Variants in PCDHGA10 observed in about 807,000 individuals in gnomAD.
The protein encoded by PCDHGA10 is protocadherin gamma subfamily A, 10, also known as protocadherin gamma-A10.
A neutral mutation model predicts 59.5 loss-of-function variants in PCDHGA10; 42 were observed. The observed-to-expected ratio is 0.71, with a 90% CI of 0.55 to 0.91. The LOEUF (loss-of-function observed/expected upper bound fraction) is 0.91, where lower values mean the gene tolerates loss of function less well. Ranked by LOEUF, PCDHGA10 falls within the 40% of genes least tolerant of loss-of-function variation. The probability of loss-of-function intolerance (pLI) is 0.00; values close to 1 mark genes in which losing one functional copy is unlikely to be tolerated. For synonymous variants in PCDHGA10, 511 were observed against 517.2 expected (o/e 0.99, Z 0.16); for missense variants, 1,111 against 1,198.2 (o/e 0.93, Z 1.07).
chr5:141,500,641 TA>T (rs1306300025), intron 2 of PCDHGA10, among the ~76,000 whole-genome samples: 4 of 152,346 alleles, frequency 2.6e-5, no homozygotes, highest in Middle Eastern at 3.4e-3. Flanking sequence ...ACTAGTTTTT[TA>T]AAAATAGCAA....
At position 141,469,305 on chromosome 5, in the gene PCDHGA10, G is replaced by A. The variant is rs990437808; in HGVS notation, c.2437-25502G>A. Among the ~76,000 whole-genome samples the A allele has an allele frequency of 3.9e-5, 6 of 152,192 alleles. No homozygotes were observed. The South Asian group carries it at 6.2e-4, about 16-fold the overall frequency. On this transcript the variant is annotated intron_variant, in intron 1 of 3. Transcript: ENST00000398610. ...AAATAAAACAAAATAGACTGGGCACGATGGCTCACGCCTGTAATCCCACCA... is the reference window on the plus strand; with the variant it reads ...AAATAAAACAAAATAGACTGGGCACAATGGCTCACGCCTGTAATCCCACCA...
Position 141,414,048 on chromosome 5 carries a change from G to A in PCDHGA10, c.873G>A (p.Thr291=). ...ATTCATTCCGAAAATTACCTGACAC[G>A]CAATTGTTGAAGTTCCAACTAAACA... ...VTYSFRKLPD[T]QLLKFQLNKY... The change falls in exon 1 of 4, where the codon ACG becomes ACA. Residue 291 remains threonine, a synonymous_variant. Coordinates refer to ENST00000398610, the MANE Select transcript of PCDHGA10 (RefSeq NM_018913.3). The A allele has an allele frequency of 6.2e-7, 1 of 1,610,508 alleles. No homozygotes were observed. The highest frequency in any genetic ancestry group is 8.5e-7 in the Non-Finnish European group (1 of 1,178,440).
At chr5:141,457,647 T>C (rs929739178) in intron 1 of PCDHGA10, among the ~76,000 whole-genome samples, 6 of 152,256 alleles carry the variant, frequency 3.9e-5, no homozygotes, top group Non-Finnish European at 8.8e-5. Context: ...ATTATTTGCA[T>C]GAAGTGCAGC....
At position 141,414,395 on chromosome 5, in the gene PCDHGA10, G is replaced by GAAAAGTCC. The variant is rs1226242642; in HGVS notation, c.1221_1222insAAAGTCCA (p.Leu408LysfsTer5). 1 of 1,613,924 alleles carries GAAAAGTCC rather than the reference G, an allele frequency of 6.2e-7. No homozygotes were observed. The highest frequency in any genetic ancestry group is 1.1e-5 in the South Asian group (1 of 91,082). On this transcript the variant is annotated frameshift_variant, in exon 1 of 4. Coordinates refer to ENST00000398610, the MANE Select transcript of PCDHGA10 (RefSeq NM_018913.3). LOFTEE classifies it high-confidence loss of function. ...GAAAAGTCCATTGACAGTTATTACA[G>GAAAAGTCC]ATTGGTGATACACAGAGCCCTTGAC...
rs2099727742 is a variant in PCDHGA10 at position 141,491,740 on chromosome 5, G to C, written c.2437-3067G>C. On this transcript the variant is annotated intron_variant, in intron 1 of 3. Coordinates refer to ENST00000398610, the MANE Select transcript of PCDHGA10 (RefSeq NM_018913.3). The surrounding 1 kb of genome is among the most constrained non-coding windows in gnomAD (Gnocchi z 6.9). Reference sequence around the variant, plus strand: ...GCCGCCCCGGGCGACCCCTGGGGGCGGCACTGGAGAAGCCGCCCGTCCTCA... The same window carrying C: ...GCCGCCCCGGGCGACCCCTGGGGGCCGCACTGGAGAAGCCGCCCGTCCTCA... The C allele has an allele frequency of 6.3e-7, 1 of 1,597,622 alleles. No homozygotes were observed. The highest frequency in any genetic ancestry group is 8.5e-7 in the Non-Finnish European group (1 of 1,173,228).
chr5:141,511,359 T>C lies in PCDHGA10; in HGVS notation c.*186T>C. The stretch of plus-strand genomic sequence containing the variant: ...CACCTACCCCTTCCCCCCCAGGGGG[T>C]TGAATATGCAAAAGCAGTTCCGCTG... On this transcript the variant is annotated 3_prime_UTR_variant, in exon 4 of 4. Coordinates refer to ENST00000398610, the MANE Select transcript of PCDHGA10 (RefSeq NM_018913.3). The C allele has an allele frequency of 2.2e-6, 3 of 1,339,338 alleles. No homozygotes were observed. In the South Asian group the frequency reaches 4.6e-5, roughly 20 times the overall value. The allele number at this position is 1,339,338 out of a possible 1,614,324, so 83.0% of individuals were successfully genotyped here. A position where few individuals can be genotyped will look rare whatever the true frequency, so the allele number is the denominator to read the frequency against.
chr5:141,419,551 C>T lies in PCDHGA10; in HGVS notation c.2436+3940C>T, dbSNP rs772468979. Reference sequence around the variant, plus strand: ...ACGACAACGCACCGCGGGTGCTGTACCCTGCGCTGGGTCCCGACGGCTCCG... The same window carrying T: ...ACGACAACGCACCGCGGGTGCTGTATCCTGCGCTGGGTCCCGACGGCTCCG... On this transcript the variant is annotated intron_variant, in intron 1 of 3. Transcript: ENST00000398610. 7 of 1,611,916 alleles carry T rather than the reference C, an allele frequency of 4.3e-6. No individual in the cohort carries two copies. The Admixed American group carries it at 1.2e-4, about 27-fold the overall frequency.
chr5:141,414,377 C>T lies in PCDHGA10; in HGVS notation c.1202C>T (p.Ser401Phe), dbSNP rs2095740461. Residue 401 changes from serine (S) to phenylalanine (F), a missense_variant, in exon 1 of 4, where the codon TCC becomes TTC. By Grantham distance (155) the Ser-to-Phe change is radical. Coordinates refer to ENST00000398610, the MANE Select transcript of PCDHGA10 (RefSeq NM_018913.3). ...LAYLPFKLEK[S>F]IDSYYRLVIH... ...TATCTACCATTTAAATTAGAAAAGT[C>T]CATTGACAGTTATTACAGATTGGTG... 1 of 1,613,760 alleles carries T rather than the reference C, an allele frequency of 6.2e-7. No homozygotes were observed. The highest frequency in any genetic ancestry group is 1.1e-5 in the South Asian group (1 of 91,082).
rs1372368815 is a variant in PCDHGA10 at position 141,491,370 on chromosome 5, C to T, written c.2437-3437C>T. 3 of 1,614,038 alleles carry T rather than the reference C, an allele frequency of 1.9e-6. No individual in the cohort carries two copies. The highest frequency in any genetic ancestry group is 2.2e-5 in the East Asian group (1 of 44,880). ...GTCTCTTATCCCTAGTCACCTTCAC[C>T]TTTCTGTCAGCGAAGTGCCTTCAGG... On this transcript the variant is annotated intron_variant, in intron 1 of 3. Transcript: ENST00000398610. The surrounding 1 kb of genome is among the most constrained non-coding windows in gnomAD (Gnocchi z 6.9).
chr5:141,421,243 C>A (rs201273667), intron 1 of PCDHGA10: 1 of 1,601,658 alleles, frequency 6.2e-7, no homozygotes. Flanking sequence ...GAATCGGCTA[C>A]AGCGCGGGGA....
chr5:141,430,910 G>C, intron 1 of PCDHGA10: 2 of 1,608,040 alleles, frequency 1.2e-6, no homozygotes, highest in South Asian at 1.1e-5. Context: ...CATCTCCAGG[G>C]ACCTGGGGCT....
chr5:141,476,184 T>C lies in PCDHGA10; in HGVS notation c.2437-18623T>C, dbSNP rs1038598087. ...AGGGTAGTGGGAGTTTTGCTTCTGC[T>C]TGGTGCCTTGAACAAGGCTTCCACG... On this transcript the variant is annotated intron_variant, in intron 1 of 3. Coordinates refer to ENST00000398610, the MANE Select transcript of PCDHGA10 (RefSeq NM_018913.3). The surrounding 1 kb of genome is among the most constrained non-coding windows in gnomAD (Gnocchi z 7.6). 1 of 1,613,708 alleles carries C rather than the reference T, an allele frequency of 6.2e-7. No homozygotes were observed. Among genetic ancestry groups the C allele is most frequent in the Non-Finnish European group, 8.5e-7 (1 of 1,179,992 alleles).
chr5:141,477,295 G>A lies in PCDHGA10; in HGVS notation c.2437-17512G>A, dbSNP rs1207558247. On this transcript the variant is annotated intron_variant, in intron 1 of 3. Transcript: ENST00000398610. This position sits in a 1 kb window ranked among gnomAD's most constrained non-coding sequence, Gnocchi z 4.9. ...GGCTGGTGACCTGCGAAGTTCCACC[G>A]GGTCTCCCTTTCAGCCTTACTTCTT... is the stretch of plus-strand genomic sequence containing the variant. The A allele has an allele frequency of 8.1e-6, 13 of 1,613,990 alleles. No homozygotes were observed. Among genetic ancestry groups the A allele is most frequent in the Admixed American group, 3.3e-5 (2 of 59,990 alleles).
intron 1 of PCDHGA10, among the ~76,000 whole-genome samples, chr5:141,461,711 C>A (rs897443905): frequency 1.3e-5 from 2 of 152,112 alleles, no homozygotes; most frequent in African/African-American, 2.4e-5. Flanking sequence ...ACTTTTTTTG[C>A]CCAGGCTGGA....
At chr5:141,505,650 T>C (rs1595974645) in intron 3 of PCDHGA10, among the ~76,000 whole-genome samples, 169 bp downstream of exon 3, 1 of 152,094 alleles carries the variant, frequency 6.6e-6, no homozygotes, top group East Asian at 1.9e-4. Flanking sequence ...GAATTGTGGC[T>C]AAGGAACAGC....
intron 1 of PCDHGA10, chr5:141,418,560 A>G (rs752240769): frequency 1.2e-6 from 2 of 1,614,034 alleles, no homozygotes; most frequent in Non-Finnish European, 1.7e-6. Context: ...CTGGTAATAG[A>G]TGCCAATGAC....
rs1054012796 is a variant in PCDHGA10 at position 141,420,071 on chromosome 5, G to C, written c.2436+4460G>C. The C allele has an allele frequency of 6.2e-7, 1 of 1,614,050 alleles. No individual in the cohort carries two copies. On this transcript the variant is annotated intron_variant, in intron 1 of 3. Coordinates refer to ENST00000398610, the MANE Select transcript of PCDHGA10 (RefSeq NM_018913.3). ...AGTTCTCTGCTCCAAGTCCGGACCT[G>C]TGGGTCCCCCCAACTACAGTGAGGG...
chr5:141,420,244 C>A lies in PCDHGA10; in HGVS notation c.2436+4633C>A, dbSNP rs755775597. On this transcript the variant is annotated intron_variant, in intron 1 of 3. Coordinates refer to ENST00000398610, the MANE Select transcript of PCDHGA10 (RefSeq NM_018913.3). ...TACTGGCTAGCATTTTAACTCCCAGCGTTGAAGCAGATAAGAAGATTCTTA... is the reference window on the plus strand; with the variant it reads ...TACTGGCTAGCATTTTAACTCCCAGAGTTGAAGCAGATAAGAAGATTCTTA... 83 of 1,584,438 alleles carry A rather than the reference C, an allele frequency of 5.2e-5. 1 individual carries two copies. The South Asian group carries it at 9.4e-4, about 18-fold the overall frequency.
chr5:141,416,791 G>A (rs1389798483), intron 1 of PCDHGA10: 2 of 152,166 alleles, frequency 1.3e-5, no homozygotes, highest in South Asian at 2.1e-4. Context: ...TCTACTAAAT[G>A]TGGTAGTATA....
Sources: allele counts gnomAD v4.1 joint callset (sites outside exome capture counted in the v4.1 genomes callset), GRCh38; gene constraint gnomAD v4.1.1; non-coding constraint Gnocchi (gnomAD v3.1); transcripts MANE v1.5; gene names NCBI Gene and HGNC (gene_info 2026-07-23, HGNC 2026-07-21).